Variants in SLC28A3 observed in about 807,000 individuals in gnomAD.
SLC28A3 encodes solute carrier family 28 member 3.
A neutral mutation model predicts 84.2 loss-of-function variants in SLC28A3; 68 were observed. The ratio of observed to expected loss-of-function variants is 0.81; its 90% CI spans 0.66 to 0.99. The LOEUF (loss-of-function observed/expected upper bound fraction) is 0.99. SLC28A3 is among the 50% of genes least tolerant of loss of function. The pLI is 0.00. For synonymous variants in SLC28A3, 267 were observed against 303.6 expected, an observed-to-expected ratio of 0.88 and a Z score of 1.25; for missense variants, 712 against 841.5, an observed-to-expected ratio of 0.85 and a Z score of 1.90.
Position 84,279,256 on chromosome 9 carries a change from A to G in SLC28A3, c.1949+9T>C. 6.2e-7 allele frequency: 1 copy of G among 1,604,632 alleles called. No homozygotes were observed. On this transcript the variant is annotated intron_variant, in intron 17 of 17. Coordinates refer to ENST00000376238, the MANE Select transcript of SLC28A3 (RefSeq NM_001199633.2). ...GAGTATAAAGAAATTATAATCAAGA[A>G]TACAATACCTGCTCAACAGACTTTG...
intron 1 of SLC28A3, among the ~76,000 whole-genome samples, chr9:84,335,447 C>T (rs1426600371): frequency 6.6e-6 from 1 of 152,178 alleles, no homozygotes. Context: ...ACTCAGGAGG[C>T]TGAGGTCAAA....
At chr9:84,293,960 T>C (rs1825325689) in intron 9 of SLC28A3, among the ~76,000 whole-genome samples, 1 of 152,222 alleles carries the variant, frequency 6.6e-6, no homozygotes, top group African/African-American at 2.4e-5. Context: ...TATAGTTTCA[T>C]GAAGATATCC....
the SLC28A3 span, among the ~76,000 whole-genome samples, chr9:84,351,664 A>C: frequency 6.6e-6 from 1 of 151,366 alleles, no homozygotes; most frequent in African/African-American, 2.4e-5. Context: ...CATCTCAAAA[A>C]AAAAATTAAA....
intron 1 of SLC28A3, among the ~76,000 whole-genome samples, chr9:84,334,848 G>A (rs888372920): frequency 2.0e-5 from 3 of 151,982 alleles, no homozygotes; most frequent in Non-Finnish European, 2.9e-5. Flanking sequence ...AAGTGAACCC[G>A]TGGCCTCACT....
chr9:84,344,700 C>T (rs12345985), upstream of SLC28A3, among the ~76,000 whole-genome samples: 8,222 of 152,200 alleles, frequency 0.054, 450 homozygotes, highest in East Asian at 0.17. Flanking sequence ...TTATCTTAGC[C>T]TGAATATTCC....
At chr9:84,353,900 A>G in the SLC28A3 span, among the ~76,000 whole-genome samples, 4 of 152,232 alleles carry the variant, frequency 2.6e-5, no homozygotes, top group Non-Finnish European at 5.9e-5. Context: ...AACTTATCAA[A>G]ACCAATCATT....
the SLC28A3 span, among the ~76,000 whole-genome samples, chr9:84,364,782 T>C: frequency 1.3e-5 from 2 of 152,332 alleles, no homozygotes; most frequent in South Asian, 4.1e-4. Context: ...TTTGTCTTTC[T>C]GTGCCTAGCT....
At chr9:84,361,226 T>A in the SLC28A3 span, among the ~76,000 whole-genome samples, 1 of 152,068 alleles carries the variant, frequency 6.6e-6, no homozygotes, top group Non-Finnish European at 1.5e-5. Flanking sequence ...GCGCTTGTAA[T>A]CCCAGTTACT....
At chr9:84,361,088 G>A in the SLC28A3 span, among the ~76,000 whole-genome samples, 1 of 152,134 alleles carries the variant, frequency 6.6e-6, no homozygotes, top group Non-Finnish European at 1.5e-5. Context: ...GCTCAGGCCT[G>A]TAATCCCAGC....
chr9:84,280,047 C>A lies in SLC28A3; in HGVS notation c.1756G>T (p.Asp586Tyr). The A allele has an allele frequency of 6.2e-7, 1 of 1,613,936 alleles. No homozygotes were observed. The highest frequency in any genetic ancestry group is 8.5e-7 in the Non-Finnish European group (1 of 1,179,994). Residue 586 changes from aspartate to tyrosine, a missense_variant, in exon 16 of 18, where the codon GAT (aspartate) becomes TAT (tyrosine). By Grantham distance (160) the Asp-to-Tyr change is radical. Transcript: ENST00000376238. ...GCTCTCACTGCCCCCGAGGCGATATCACGCTTTCTGGAAGGAGCCATGGAT... is the reference window on the plus strand; with the variant it reads ...GCTCTCACTGCCCCCGAGGCGATATAACGCTTTCTGGAAGGAGCCATGGAT... ...LTSMAPSRKR[D>Y]IASGAVRALI...
the SLC28A3 span, among the ~76,000 whole-genome samples, chr9:84,358,509 T>C: frequency 6.6e-6 from 1 of 152,132 alleles, no homozygotes; most frequent in African/African-American, 2.4e-5. Flanking sequence ...ACTCTGAGAT[T>C]CCCTAGCTCA....
upstream of SLC28A3, among the ~76,000 whole-genome samples, chr9:84,342,127 C>CAAAAA (rs200186519): frequency 0.19 from 12,774 of 67,548 alleles, 673 homozygotes; most frequent in South Asian, 0.23. Context: ...GACCCTGTCT[C>CAAAAA]AAAAAAAAAA....
rs775049604 is a variant in SLC28A3 at position 84,340,598 on chromosome 9, C to G, written c.36G>C (p.Glu12Asp). The G allele has an allele frequency of 1.2e-6, 2 of 1,614,030 alleles. No individual in the cohort carries two copies. Among genetic ancestry groups the G allele is most frequent in the Admixed American group, 3.3e-5 (2 of 60,008 alleles). The change falls in exon 1 of 18, where the codon GAG becomes GAC. Residue 12 changes from glutamate to aspartate, a missense_variant. By Grantham distance (45) the Glu-to-Asp change is conservative. Coordinates refer to ENST00000376238, the MANE Select transcript of SLC28A3 (RefSeq NM_001199633.2). ...CCTGGAAGCCCACGTTGCTGTAGCC[C>G]TCAGCTCTGGGGGCTGCTGTACTCC... ...ELRSTAAPRA[E>D]GYSNVGFQNE...
rs141288639 is a variant in SLC28A3, at chr9:84,280,445, G to A, written c.1729+356C>T. Among the ~76,000 whole-genome samples the A allele has an allele frequency of 2.2e-3, 335 of 152,278 alleles. 5 individuals carry two copies. In the South Asian group the frequency reaches 0.04, roughly 18 times the overall value. ...ACTGTCACCATCTACTTCTATGCCC[G>A]TGGCAGACACCACTAAGAAATCACA... On this transcript the variant is annotated intron_variant, in intron 15 of 17. Coordinates refer to ENST00000376238, the MANE Select transcript of SLC28A3 (RefSeq NM_001199633.2).
In SLC28A3 at chr9:84,278,045, A is replaced by G; in HGVS notation, c.*173T>C. 13 of 804,110 alleles carry G rather than the reference A, an allele frequency of 1.6e-5. No individual in the cohort carries two copies. Among genetic ancestry groups the G allele is most frequent in the Non-Finnish European group, 2.4e-5 (13 of 537,972 alleles). 49.8% of individuals were successfully genotyped at this position (804,110 alleles called of 1,614,324 possible). A position where few individuals can be genotyped will look rare whatever the true frequency, so the allele number is the denominator to read the frequency against. On this transcript the variant is annotated 3_prime_UTR_variant, in exon 18 of 18. Coordinates refer to ENST00000376238, the MANE Select transcript of SLC28A3 (RefSeq NM_001199633.2). ...GGGGCTGGTGGGGAGGGAGGGGAGGAGGAAAATGTTGTAGCTTTGAAGGTC... is the reference window on the plus strand; with the variant it reads ...GGGGCTGGTGGGGAGGGAGGGGAGGGGGAAAATGTTGTAGCTTTGAAGGTC...
chr9:84,322,370 A>C (rs911560424), intron 1 of SLC28A3, among the ~76,000 whole-genome samples: 1 of 152,230 alleles, frequency 6.6e-6, no homozygotes, highest in Non-Finnish European at 1.5e-5. Flanking sequence ...TGCTTCTGCT[A>C]TCATTGGTTT....
the SLC28A3 span, among the ~76,000 whole-genome samples, chr9:84,367,695 C>A: frequency 3.3e-5 from 5 of 152,066 alleles, no homozygotes; most frequent in Non-Finnish European, 7.4e-5. Context: ...GGGAGAAGGT[C>A]AGCAGGAAAA....
At chr9:84,327,262 C>G (rs1826598920) in intron 1 of SLC28A3, among the ~76,000 whole-genome samples, 1 of 151,532 alleles carries the variant, frequency 6.6e-6, no homozygotes, top group South Asian at 2.1e-4. Flanking sequence ...GGCTCTTGTC[C>G]TACTCCTGAC....
chr9:84,363,646 A>G, the SLC28A3 span, among the ~76,000 whole-genome samples: 41 of 152,326 alleles, frequency 2.7e-4, no homozygotes, highest in South Asian at 8.3e-3. Flanking sequence ...TTGCTAACAG[A>G]GAAAAAGATA....
Sources: allele counts gnomAD v4.1 joint callset (sites outside exome capture counted in the v4.1 genomes callset), GRCh38; gene constraint gnomAD v4.1.1; transcripts MANE v1.5; gene names NCBI Gene and HGNC (gene_info 2026-07-23, HGNC 2026-07-21).